ROCK1: variants seen among roughly 807,000 people sequenced by gnomAD.
ROCK1 encodes the protein rho-associated protein kinase 1.
A neutral mutation model predicts 196.8 loss-of-function variants in ROCK1; 36 were observed. The observed-to-expected ratio is 0.18, with a 90% CI of 0.14 to 0.24. ROCK1 has a LOEUF of 0.24. Among genes scored for constraint, ROCK1 ranks in the 10% least tolerant of loss-of-function variants. The pLI, the probability that ROCK1 is intolerant of heterozygous loss-of-function variation, is 1.00. For synonymous variants in ROCK1, 443 were observed against 515.9 expected (o/e 0.86, Z 1.91); for missense variants, 920 against 1,562.0 (o/e 0.59, Z 6.93).
At chr18:21,015,965 G>C (rs947366658) in intron 12 of ROCK1, among the ~76,000 whole-genome samples, 4 of 151,250 alleles carry the variant, frequency 2.6e-5, no homozygotes, top group African/African-American at 9.7e-5. Context: ...GGGTGATACA[G>C]TGAGACTCCA....
At chr18:21,033,989 G>A (rs1414062521) in intron 9 of ROCK1, among the ~76,000 whole-genome samples, 5 of 139,242 alleles carry the variant, frequency 3.6e-5, no homozygotes, top group African/African-American at 1.1e-4. Flanking sequence ...AGCCGAGATC[G>A]AGCCACTGTA....
chr18:21,041,188 T>C (rs1479239300), intron 8 of ROCK1, among the ~76,000 whole-genome samples: 1 of 150,976 alleles, frequency 6.6e-6, no homozygotes, highest in Non-Finnish European at 1.5e-5. Context: ...TCCCAGCACT[T>C]TGGGAAGCTG....
intron 13 of ROCK1, among the ~76,000 whole-genome samples, chr18:21,009,512 C>CATT: frequency 6.6e-6 from 1 of 152,194 alleles, no homozygotes; most frequent in African/African-American, 2.4e-5. Context: ...CTGTTATAAA[C>CATT]ATTAGTATAC....
At chr18:21,045,086 C>A in intron 5 of ROCK1, 1 of 327,522 alleles carries the variant, frequency 3.1e-6, no homozygotes, top group Non-Finnish European at 5.5e-6. Flanking sequence ...GTGTCAAACT[C>A]CTGAGCTCAA....
rs145391069 is a variant in ROCK1, at chr18:21,095,236, G to A, written c.93+15582C>T. Among the ~76,000 whole-genome samples, 109 of 151,486 alleles carry A rather than the reference G, an allele frequency of 7.2e-4. No individual in the cohort carries two copies. The Middle Eastern group carries it at 0.01, about 14-fold the overall frequency. On this transcript the variant is annotated intron_variant, in intron 1 of 32. Transcript: ENST00000399799. The stretch of plus-strand genomic sequence containing the variant: ...AATACAACTGAGGATGTGGAGAAAC[G>A]GGAACTCTCCTACAATGTTAACGGG...
At position 20,959,882 on chromosome 18, in the gene ROCK1, T is replaced by C. The variant is rs1405474790; in HGVS notation, c.3470A>G (p.Gln1157Arg). Residue 1157 changes from glutamine (Q) to arginine (R), a missense_variant, in exon 29 of 33, where the codon CAA becomes CGA. Transcript: ENST00000399799. The stretch of plus-strand genomic sequence containing the variant: ...AGATGGATTGGATTGCTCCTTATCT[T>C]GTTCGTCATTATAGAACAAAATTTT... ...SKKILFYNDEQDKEQSNPSMV... is the reference protein window; with the variant it reads ...SKKILFYNDERDKEQSNPSMV... 1.2e-6 allele frequency: 2 copies of C among 1,611,800 alleles called. No individual in the cohort carries two copies. The highest frequency in any genetic ancestry group is 3.3e-5 in the Admixed American group (2 of 59,814).
At chr18:21,110,783 A>AC in intron 1 of ROCK1, 35 bp downstream of exon 1, 1 of 1,551,110 alleles carries the variant, frequency 6.4e-7, no homozygotes, top group Non-Finnish European at 8.9e-7. Context: ...GACATGCAAA[A>AC]CCCCAGACAA....
intron 20 of ROCK1, 73 bp from the exon 21 acceptor site, chr18:20,982,905 A>G: frequency 1.5e-6 from 1 of 681,616 alleles, no homozygotes; most frequent in Non-Finnish European, 2.6e-6. Flanking sequence ...TTAGTTTGTT[A>G]AAGTTGCTAA....
intron 1 of ROCK1, among the ~76,000 whole-genome samples, chr18:21,092,401 G>A (rs924391175): frequency 3.3e-5 from 5 of 151,836 alleles, no homozygotes; most frequent in East Asian, 1.9e-4. Flanking sequence ...GGGCAACATC[G>A]TTAAGACTTC....
At chr18:21,101,502 T>C (rs1478216413) in intron 1 of ROCK1, among the ~76,000 whole-genome samples, 1 of 152,200 alleles carries the variant, frequency 6.6e-6, no homozygotes, top group Non-Finnish European at 1.5e-5. Context: ...TACCATTTTA[T>C]AGGAAATATG....
At chr18:21,070,465 T>C (rs1189629472) in intron 2 of ROCK1, 67 bp downstream of exon 2, 8 of 804,650 alleles carry the variant, frequency 9.9e-6, no homozygotes, top group Middle Eastern at 2.4e-4. Flanking sequence ...AAATAAGGGC[T>C]TGAATGACAT....
At chr18:21,060,872 T>C (rs948521090) in intron 2 of ROCK1, among the ~76,000 whole-genome samples, 1 of 146,950 alleles carries the variant, frequency 6.8e-6, no homozygotes, top group African/African-American at 2.5e-5. Context: ...CCTAAATTCA[T>C]GCAAAAACTT....
chr18:21,067,820 G>A (rs2036349572), intron 2 of ROCK1, among the ~76,000 whole-genome samples: 1 of 152,188 alleles, frequency 6.6e-6, no homozygotes, highest in African/African-American at 2.4e-5. Flanking sequence ...CCGAGGTCAT[G>A]AAGATTTCAA....
At chr18:21,008,344 C>G in intron 13 of ROCK1, 150 bp from the exon 14 acceptor site, 1 of 533,942 alleles carries the variant, frequency 1.9e-6, no homozygotes, top group Non-Finnish European at 3.1e-6. Context: ...ATAGTATCTC[C>G]TAATACAACT....
intron 22 of ROCK1, 26 bp downstream of exon 22, chr18:20,979,884 C>T (rs1261532856): frequency 6.6e-7 from 1 of 1,516,404 alleles, no homozygotes; most frequent in South Asian, 1.3e-5. Context: ...AGTACTGATT[C>T]TTGTTCTAAA....
At chr18:20,982,734 T>C (rs758053801) in intron 21 of ROCK1, 29 bp downstream of exon 21, 18 of 1,090,316 alleles carry the variant, frequency 1.7e-5, no homozygotes, top group Non-Finnish European at 2.3e-5. Flanking sequence ...TTTGAAACAG[T>C]GTGTATGTTA....
intron 8 of ROCK1, among the ~76,000 whole-genome samples, chr18:21,041,029 G>C (rs1188666847): frequency 6.6e-6 from 1 of 152,048 alleles, no homozygotes. Context: ...GCTGAGGCAG[G>C]AGAATCACTT....
intron 13 of ROCK1, among the ~76,000 whole-genome samples, chr18:21,010,143 A>AGCTTTTT (rs1286924476): frequency 6.6e-6 from 1 of 152,088 alleles, no homozygotes; most frequent in African/African-American, 2.4e-5. Context: ...CTTTTCACAC[A>AGCTTTTT]GCTTTTTGTT....
At chr18:20,952,656 T>C (rs1220298905) in intron 32 of ROCK1, among the ~76,000 whole-genome samples, 1 of 151,374 alleles carries the variant, frequency 6.6e-6, no homozygotes, top group Non-Finnish European at 1.5e-5. Flanking sequence ...GCGTCTGTAA[T>C]CCCCGCTACT....
Sources: allele counts gnomAD v4.1 joint callset (sites outside exome capture counted in the v4.1 genomes callset), GRCh38; gene constraint gnomAD v4.1.1; transcripts MANE v1.5; gene names NCBI Gene and HGNC (gene_info 2026-07-23, HGNC 2026-07-21).